CDH19: variants seen among roughly 807,000 people sequenced by gnomAD.
CDH19 encodes the protein cadherin-19.
A neutral mutation model predicts 64.2 loss-of-function variants in CDH19; 67 were observed. The observed-to-expected ratio is 1.04, with a 90% CI of 0.86 to 1.28. The LOEUF (loss-of-function observed/expected upper bound fraction) is 1.28, where lower values mean the gene tolerates loss of function less well. Among genes scored for constraint, CDH19 ranks in the 50% most tolerant of loss-of-function variants. The pLI, the probability that CDH19 is intolerant of heterozygous loss-of-function variation, is 0.00. For synonymous variants in CDH19, 346 were observed against 319.3 expected, an observed-to-expected ratio of 1.08 and a Z score of -0.89; for missense variants, 1,030 against 929.0, an observed-to-expected ratio of 1.11 and a Z score of -1.41.
rs1174843755 is a variant in CDH19 at position 66,502,215 on chromosome 18, A to G, written c.*2597T>C. ...GTTGCACCTTCTGTATTAGAATCAG[A>G]TAGTATCTTTTGATGTGGTTAAAAG... is the stretch of plus-strand genomic sequence containing the variant. On this transcript the variant is annotated 3_prime_UTR_variant, in exon 12 of 12. Transcript: ENST00000262150. 2 of 152,086 alleles carry G rather than the reference A, an allele frequency of 1.3e-5. No individual in the cohort carries two copies. The highest frequency in any genetic ancestry group is 2.9e-5 in the Non-Finnish European group (2 of 68,000). The allele number at this position is 152,086 out of a possible 1,614,324, so 9.4% of individuals were successfully genotyped here. A position where few individuals can be genotyped will look rare whatever the true frequency, so the allele number is the denominator to read the frequency against.
intron 5 of CDH19, among the ~76,000 whole-genome samples, chr18:66,545,623 A>T (rs1218484957): frequency 6.6e-6 from 1 of 152,080 alleles, no homozygotes; most frequent in African/African-American, 2.4e-5. Flanking sequence ...AACCATACTA[A>T]ATTAAATTTG....
At chr18:66,505,629 T>C (rs1389936053) in intron 11 of CDH19, among the ~76,000 whole-genome samples, 1 of 131,086 alleles carries the variant, frequency 7.6e-6, no homozygotes, top group Non-Finnish European at 1.8e-5. Flanking sequence ...ACATTCAAAA[T>C]CTGTTTCTTC....
chr18:66,546,401 C>T (rs1987119052), intron 5 of CDH19, among the ~76,000 whole-genome samples: 1 of 152,172 alleles, frequency 6.6e-6, no homozygotes, highest in East Asian at 1.9e-4. Context: ...AATTACATTG[C>T]CATGAACGTG....
chr18:66,544,460 A>G (rs1987023592), intron 6 of CDH19, among the ~76,000 whole-genome samples: 1 of 152,120 alleles, frequency 6.6e-6, no homozygotes, highest in African/African-American at 2.4e-5. Context: ...ATAAACATCT[A>G]ATGAAACTGA....
intron 3 of CDH19, among the ~76,000 whole-genome samples, chr18:66,558,393 A>G (rs1404291836): frequency 4.0e-5 from 6 of 151,482 alleles, no homozygotes; most frequent in Admixed American, 1.3e-4. Context: ...GTTATTATTG[A>G]CACCATGATT....
At chr18:66,550,059 C>G (rs1454822033) in intron 5 of CDH19, among the ~76,000 whole-genome samples, 1 of 152,108 alleles carries the variant, frequency 6.6e-6, no homozygotes, top group Non-Finnish European at 1.5e-5. Context: ...CAATCAATAA[C>G]TAAGAAATCA....
intron 2 of CDH19, 81 bp from the exon 3 acceptor site, chr18:66,568,791 G>A: frequency 9.0e-7 from 1 of 1,110,290 alleles, no homozygotes; most frequent in Non-Finnish European, 1.3e-6. Context: ...TTTTATGTAT[G>A]TTAATTATTC....
intron 5 of CDH19, among the ~76,000 whole-genome samples, chr18:66,546,588 A>T (rs1487462624): frequency 6.6e-6 from 1 of 152,150 alleles, no homozygotes; most frequent in Non-Finnish European, 1.5e-5. Flanking sequence ...GAGGCTGGAG[A>T]TAGAACAGGT....
At chr18:66,576,564 C>A (rs974561942) in intron 1 of CDH19, among the ~76,000 whole-genome samples, 14 of 151,382 alleles carry the variant, frequency 9.2e-5, no homozygotes, top group African/African-American at 3.4e-4. Flanking sequence ...TATGTCAATT[C>A]ATTAACAGGG....
intron 1 of CDH19, among the ~76,000 whole-genome samples, chr18:66,601,234 C>T (rs1989030594): frequency 6.6e-6 from 1 of 151,840 alleles, no homozygotes; most frequent in Admixed American, 6.6e-5. Context: ...AACTCTCTGA[C>T]ACAATTTAAC....
intron 5 of CDH19, among the ~76,000 whole-genome samples, chr18:66,546,462 G>T (rs1386760012): frequency 6.6e-6 from 1 of 152,056 alleles, no homozygotes; most frequent in Non-Finnish European, 1.5e-5. Context: ...TAAACTATTG[G>T]TCTTCAAAAT....
At chr18:66,536,496 T>G (rs1033376825) in intron 7 of CDH19, among the ~76,000 whole-genome samples, 1 of 151,868 alleles carries the variant, frequency 6.6e-6, no homozygotes, top group Non-Finnish European at 1.5e-5. Flanking sequence ...CATCTAATCC[T>G]ATTTCTGTAA....
chr18:66,603,056 T>G, intron 1 of CDH19, among the ~76,000 whole-genome samples: 1 of 151,050 alleles, frequency 6.6e-6, no homozygotes, highest in Non-Finnish European at 1.5e-5. Context: ...TTCTTACAGA[T>G]ATATTAATTC....
intron 1 of CDH19, among the ~76,000 whole-genome samples, chr18:66,576,594 T>C (rs1488957678): frequency 1.3e-5 from 2 of 151,590 alleles, no homozygotes; most frequent in African/African-American, 2.4e-5. Flanking sequence ...TCTAAATGTT[T>C]ATACACTTAA....
intron 1 of CDH19, among the ~76,000 whole-genome samples, chr18:66,585,167 C>T (rs1988540064): frequency 6.6e-6 from 1 of 151,962 alleles, no homozygotes; most frequent in East Asian, 1.9e-4. Flanking sequence ...AAACGGAACA[C>T]ATACAATATA....
At position 66,544,099 on chromosome 18, in the gene CDH19, T is replaced by C. The variant is rs765571957; in HGVS notation, c.1086A>G (p.Glu362=). ...GGAAAAGAGGAGGCTCATCAACATC[T>C]TCCACCTGGATCTTAATGAAAGTGG... ...ASTTFIKIQV[E]DVDEPPLFLL... The change falls in exon 7 of 12, where the codon GAA becomes GAG. Residue 362 remains glutamate (E), a synonymous_variant. Coordinates refer to ENST00000262150, the MANE Select transcript of CDH19 (RefSeq NM_021153.4). 1 of 1,613,986 alleles carries C rather than the reference T, an allele frequency of 6.2e-7. No individual in the cohort carries two copies. The highest frequency in any genetic ancestry group is 1.1e-5 in the South Asian group (1 of 91,072).
intron 1 of CDH19, among the ~76,000 whole-genome samples, chr18:66,597,240 G>T (rs1330812655): frequency 6.9e-6 from 1 of 145,690 alleles, no homozygotes; most frequent in East Asian, 2.0e-4. Context: ...AATTAAAACA[G>T]TATGGTACTG....
chr18:66,503,197 G>A lies in CDH19; in HGVS notation c.*1615C>T, dbSNP rs568732531. 2.6e-5 allele frequency: 4 copies of A among 151,762 alleles called. No individual in the cohort carries two copies. The South Asian group carries it at 8.3e-4, about 32-fold the overall frequency. 9.4% of individuals were successfully genotyped at this position (151,762 alleles called of 1,614,324 possible). A position where few individuals can be genotyped will look rare whatever the true frequency, so the allele number is the denominator to read the frequency against. On this transcript the variant is annotated 3_prime_UTR_variant, in exon 12 of 12. Coordinates refer to ENST00000262150, the MANE Select transcript of CDH19 (RefSeq NM_021153.4). ...ACCTTGATTTGGATAGAATAATAAA[G>A]ATCATTCTTAAAAGGTCGATTAAAA...
At chr18:66,591,271 TTA>T (rs1281509386) in intron 1 of CDH19, among the ~76,000 whole-genome samples, 1 of 151,934 alleles carries the variant, frequency 6.6e-6, no homozygotes, top group Non-Finnish European at 1.5e-5. Context: ...ATTTAAATAC[TTA>T]TAATGTCTGA....
Sources: allele counts gnomAD v4.1 joint callset (sites outside exome capture counted in the v4.1 genomes callset), GRCh38; gene constraint gnomAD v4.1.1; transcripts MANE v1.5; gene names NCBI Gene and HGNC (gene_info 2026-07-23, HGNC 2026-07-21).